Variants in PPA2 observed in about 807,000 individuals in gnomAD.
PPA2 encodes the protein inorganic pyrophosphatase 2, mitochondrial.
A neutral mutation model predicts 49.5 loss-of-function variants in PPA2; 48 were observed. That is an observed-to-expected ratio of 0.97 (90% CI 0.77 to 1.23). The LOEUF is 1.23. PPA2 is among the 50% of genes most tolerant of loss of function. The pLI is 0.00. For missense variants in PPA2, 429 were observed against 410.1 expected, an observed-to-expected ratio of 1.05 and a Z score of -0.40; for synonymous variants, 131 against 139.9, an observed-to-expected ratio of 0.94 and a Z score of 0.45.
intron 1 of PPA2, among the ~76,000 whole-genome samples, chr4:105,472,871 T>A (rs1186242291): frequency 6.6e-6 from 1 of 152,216 alleles, no homozygotes; most frequent in Non-Finnish European, 1.5e-5. Flanking sequence ...CTGTGACTAA[T>A]CAGTTTACAT....
At chr4:105,429,055 A>G (rs1723672563) in intron 6 of PPA2, among the ~76,000 whole-genome samples, 1 of 152,078 alleles carries the variant, frequency 6.6e-6, no homozygotes, top group South Asian at 2.1e-4. Context: ...TGCTTTCTCT[A>G]TTCTGGAGGG....
intron 7 of PPA2, among the ~76,000 whole-genome samples, chr4:105,410,301 A>G (rs1255528618): frequency 6.6e-6 from 1 of 152,264 alleles, no homozygotes; most frequent in Non-Finnish European, 1.5e-5. Flanking sequence ...ATGAAGTGGA[A>G]GAAAGGATAT....
intron 9 of PPA2, among the ~76,000 whole-genome samples, chr4:105,388,438 A>T (rs7340938): frequency 0.42 from 64,239 of 151,964 alleles, 14,253 homozygotes; most frequent in East Asian, 0.68. Context: ...AATTAAAAAA[A>T]TTTAAAAATA....
At chr4:105,448,368 T>G (rs867553078) in intron 4 of PPA2, among the ~76,000 whole-genome samples, 1 of 152,128 alleles carries the variant, frequency 6.6e-6, no homozygotes, top group African/African-American at 2.4e-5. Flanking sequence ...TACATAATAA[T>G]GCCTAATTTA....
At position 105,473,506 on chromosome 4, in the gene PPA2, C is replaced by T. The variant is rs1354247555; in HGVS notation, c.157+388G>A. ...AAGGCCGGCGTGTGGGCGGGCTCTGCCTTCCCTTCCTCACTGAGTTGTGTG... is the reference window on the plus strand; with the variant it reads ...AAGGCCGGCGTGTGGGCGGGCTCTGTCTTCCCTTCCTCACTGAGTTGTGTG... On this transcript the variant is annotated intron_variant, in intron 1 of 11. Coordinates refer to ENST00000341695, the MANE Select transcript of PPA2 (RefSeq NM_176869.3). 9 of 453,876 alleles carry T rather than the reference C, an allele frequency of 2.0e-5. No homozygotes were observed. In the Admixed American group the frequency reaches 2.4e-4, roughly 12 times the overall value. The allele number at this position is 453,876 out of a possible 1,614,324, so 28.1% of individuals were successfully genotyped here.
chr4:105,372,054 T>A (rs541426524), intron 10 of PPA2, among the ~76,000 whole-genome samples: 3 of 152,220 alleles, frequency 2.0e-5, no homozygotes, highest in South Asian at 4.2e-4. Flanking sequence ...GGGTACAAAG[T>A]CCATAGAGTC....
At chr4:105,379,452 G>T (rs1246432732) in intron 10 of PPA2, among the ~76,000 whole-genome samples, 2 of 101,596 alleles carry the variant, frequency 2.0e-5, no homozygotes, top group African/African-American at 3.0e-5. Flanking sequence ...TAGATAGATA[G>T]ATAGATAGAT....
rs1446196744 is a variant in PPA2, at chr4:105,442,982, T to C, written c.441+3401A>G. ...TTGATCACCTACTCCATGGCAGGCA[T>C]TAAGCTGGGTAGTCAGAATGTATCA... On this transcript the variant is annotated intron_variant, in intron 5 of 11. Transcript: ENST00000341695. Among the ~76,000 whole-genome samples the C allele has an allele frequency of 4.6e-5, 7 of 152,266 alleles. No individual in the cohort carries two copies. In the East Asian group the frequency reaches 9.6e-4, roughly 21 times the overall value.
chr4:105,427,030 C>G (rs899393423), intron 6 of PPA2, among the ~76,000 whole-genome samples: 2 of 152,194 alleles, frequency 1.3e-5, no homozygotes, highest in African/African-American at 4.8e-5. Flanking sequence ...TGTTCCGCAG[C>G]CTCTGCTGGT....
At chr4:105,375,587 A>C (rs1479159306) in intron 10 of PPA2, among the ~76,000 whole-genome samples, 2 of 152,072 alleles carry the variant, frequency 1.3e-5, no homozygotes, top group African/African-American at 2.4e-5. Flanking sequence ...CCATAGAGGG[A>C]AGTATTTCTT....
intron 6 of PPA2, among the ~76,000 whole-genome samples, chr4:105,436,554 C>G (rs569751360): frequency 3.1e-4 from 47 of 152,224 alleles, no homozygotes; most frequent in Middle Eastern, 6.8e-3. Flanking sequence ...CATCACATTA[C>G]TCAGCAACAA....
At chr4:105,372,079 G>C (rs1034380007) in intron 10 of PPA2, among the ~76,000 whole-genome samples, 29 of 152,290 alleles carry the variant, frequency 1.9e-4, no homozygotes, top group African/African-American at 7.0e-4. Flanking sequence ...GCGTGGACCT[G>C]GGGAGATGTG....
chr4:105,411,272 A>T (rs1256952745), intron 7 of PPA2, among the ~76,000 whole-genome samples: 2 of 152,274 alleles, frequency 1.3e-5, no homozygotes, highest in Non-Finnish European at 2.9e-5. Context: ...GTCTCTGATA[A>T]AAAAAAGACC....
At chr4:105,428,820 AAAAT>A (rs1335165206) in intron 6 of PPA2, among the ~76,000 whole-genome samples, 6 of 152,224 alleles carry the variant, frequency 3.9e-5, no homozygotes, top group African/African-American at 1.2e-4. Flanking sequence ...AGTATAATAA[AAAAT>A]AAATAAATAA....
At chr4:105,416,934 G>GT (rs1723040694) in intron 7 of PPA2, among the ~76,000 whole-genome samples, 1 of 152,052 alleles carries the variant, frequency 6.6e-6, no homozygotes, top group African/African-American at 2.4e-5. Context: ...ACCAAACAAG[G>GT]TAATTCTACA....
At chr4:105,444,611 G>A (rs1724521412) in intron 5 of PPA2, among the ~76,000 whole-genome samples, 1 of 152,136 alleles carries the variant, frequency 6.6e-6, no homozygotes, top group Non-Finnish European at 1.5e-5. Flanking sequence ...AAGTTTGGCA[G>A]GACTTTAAAT....
intron 7 of PPA2, chr4:105,407,089 T>TA (rs11434264): frequency 0.5 from 69,580 of 139,444 alleles, 18,231 homozygotes; most frequent in East Asian, 0.67. Flanking sequence ...TGTTCCATAT[T>TA]AAAAAAAAAA....
At chr4:105,401,411 G>T (rs1356967658) in intron 7 of PPA2, among the ~76,000 whole-genome samples, 1 of 151,998 alleles carries the variant, frequency 6.6e-6, no homozygotes, top group African/African-American at 2.4e-5. Flanking sequence ...TGTAAGTAAA[G>T]ATGTATTTTT....
chr4:105,444,666 C>T (rs1463616611), intron 5 of PPA2, among the ~76,000 whole-genome samples: 1 of 152,138 alleles, frequency 6.6e-6, no homozygotes, highest in Non-Finnish European at 1.5e-5. Flanking sequence ...CGTTCCTCCC[C>T]TTCTCTCTTT....
Sources: gnomAD v4.1 joint callset for allele counts (sites outside exome capture counted in the v4.1 genomes callset) on GRCh38, gnomAD v4.1.1 for gene constraint, MANE v1.5 for transcripts, NCBI Gene and HGNC (gene_info 2026-07-23, HGNC 2026-07-21) for gene names.